The following SMG6 variants were observed in gnomAD, a reference collection of about 807,000 sequenced individuals.
SMG6 encodes SMG6 nonsense mediated mRNA decay factor.
In SMG6, 66 loss-of-function variants were observed where a neutral mutation model predicts 142.2. The observed-to-expected ratio is 0.46, with a 90% CI of 0.38 to 0.57. The LOEUF is 0.57. Among genes scored for constraint, SMG6 ranks in the 20% least tolerant of loss-of-function variants. The pLI is 0.00. For synonymous variants in SMG6, 779 were observed against 702.4 expected, an observed-to-expected ratio of 1.11 and a Z score of -1.72; for missense variants, 1,793 against 1,832.0, an observed-to-expected ratio of 0.98 and a Z score of 0.39.
At chr17:2,154,005 C>A (rs2070918274) in intron 13 of SMG6, among the ~76,000 whole-genome samples, 1 of 126,724 alleles carries the variant, frequency 7.9e-6, no homozygotes, top group South Asian at 2.8e-4. Flanking sequence ...ACTGGGGAAA[C>A]CTGGGGATGC....
At chr17:2,298,099 G>C (rs1169543772) in intron 2 of SMG6, 44 bp from the exon 3 acceptor site, 1 of 1,534,014 alleles carries the variant, frequency 6.5e-7, no homozygotes, top group Non-Finnish European at 8.7e-7. Flanking sequence ...ATACACCACA[G>C]AAAAAGCTAG....
At chr17:2,102,250 A>G (rs1213319246) in intron 13 of SMG6, among the ~76,000 whole-genome samples, 1 of 152,224 alleles carries the variant, frequency 6.6e-6, no homozygotes, top group Non-Finnish European at 1.5e-5. Flanking sequence ...AAAGTGATAT[A>G]TTTTATGAAT....
chr17:2,236,122 C>G (rs1338440356), intron 10 of SMG6: 1 of 158,968 alleles, frequency 6.3e-6, no homozygotes, highest in African/African-American at 2.4e-5. Flanking sequence ...CAATCCCTGC[C>G]AAGCGTATGG....
At chr17:2,187,320 A>T (rs1203862356) in intron 11 of SMG6, among the ~76,000 whole-genome samples, 1 of 152,214 alleles carries the variant, frequency 6.6e-6, no homozygotes, top group Non-Finnish European at 1.5e-5. Flanking sequence ...ATGATATCTA[A>T]ATGCAACGTG....
chr17:2,112,540 TA>T (rs1567607272), intron 13 of SMG6, among the ~76,000 whole-genome samples: 1 of 146,482 alleles, frequency 6.8e-6, no homozygotes, highest in African/African-American at 2.5e-5. Context: ...AATAAATAAA[TA>T]AATAAATAAA....
intron 12 of SMG6, among the ~76,000 whole-genome samples, chr17:2,174,282 G>A (rs1374120881): frequency 6.6e-6 from 1 of 152,186 alleles, no homozygotes; most frequent in East Asian, 1.9e-4. Flanking sequence ...TGGAGTTACT[G>A]CCTATGAGTC....
chr17:2,258,062 C>CATATATAT (rs373477381), intron 8 of SMG6, among the ~76,000 whole-genome samples: 48 of 120,316 alleles, frequency 4.0e-4, no homozygotes, highest in Admixed American at 3.0e-3. Context: ...CACACACACA[C>CATATATAT]ACACATATAT....
intron 1 of SMG6, among the ~76,000 whole-genome samples, chr17:2,300,971 A>G (rs74682964): frequency 5.5e-4 from 84 of 152,288 alleles, no homozygotes; most frequent in African/African-American, 1.9e-3. Flanking sequence ...CAGAAATCCA[A>G]GATCCCAAAC....
intron 12 of SMG6, among the ~76,000 whole-genome samples, chr17:2,175,439 A>C (rs542333832): frequency 6.6e-6 from 1 of 151,832 alleles, no homozygotes; most frequent in South Asian, 2.1e-4. Context: ...TCATCCTCCC[A>C]CCCCTACCAT....
chr17:2,188,379 T>C lies in SMG6; in HGVS notation c.2986+20A>G. The stretch of plus-strand genomic sequence containing the variant: ...CAGGCAACTGGAAAGCCCACCAGGC[T>C]GGGGACTCCTCCTGCTTACCTTTGG... On this transcript the variant is annotated intron_variant, in intron 11 of 18. Coordinates refer to ENST00000263073, the MANE Select transcript of SMG6 (RefSeq NM_017575.5). The C allele has an allele frequency of 1.2e-6, 2 of 1,608,646 alleles. No homozygotes were observed. Among genetic ancestry groups the C allele is most frequent in the Non-Finnish European group, 1.7e-6 (2 of 1,175,786 alleles).
intron 8 of SMG6, chr17:2,255,729 TG>T: frequency 5.2e-6 from 1 of 193,194 alleles, no homozygotes; most frequent in Admixed American, 6.1e-5. Flanking sequence ...ATGGCGGTTT[TG>T]TGGAATAGAA....
At chr17:2,152,505 TAAGAA>T (rs1433346503) in intron 13 of SMG6, among the ~76,000 whole-genome samples, 1 of 152,144 alleles carries the variant, frequency 6.6e-6, no homozygotes, top group Non-Finnish European at 1.5e-5. Flanking sequence ...CAAGACTCAG[TAAGAA>T]AATAATCCGA....
At chr17:2,121,914 C>T (rs1415088910) in intron 13 of SMG6, among the ~76,000 whole-genome samples, 1 of 152,086 alleles carries the variant, frequency 6.6e-6, no homozygotes, top group Non-Finnish European at 1.5e-5. Flanking sequence ...CTCATTGCAA[C>T]CTCTGCCCTC....
chr17:2,104,178 C>T (rs1597389354), intron 13 of SMG6, among the ~76,000 whole-genome samples: 1 of 152,070 alleles, frequency 6.6e-6, no homozygotes, highest in Non-Finnish European at 1.5e-5. Context: ...GTCTTGATCT[C>T]CTGACCTCGT....
At chr17:2,277,441 C>G (rs918134232) in intron 8 of SMG6, among the ~76,000 whole-genome samples, 2 of 152,064 alleles carry the variant, frequency 1.3e-5, no homozygotes, top group Non-Finnish European at 2.9e-5. Flanking sequence ...GCTGGGATTA[C>G]AGGCGTAAGC....
chr17:2,187,019 GTACT>G (rs1157866052), intron 11 of SMG6, among the ~76,000 whole-genome samples, 188 bp from the exon 12 acceptor site: 1 of 152,234 alleles, frequency 6.6e-6, no homozygotes, highest in Non-Finnish European at 1.5e-5. Flanking sequence ...GAGAACCAGT[GTACT>G]GGGTCTGCCC....
At position 2,172,698 on chromosome 17, in the gene SMG6, G is replaced by A; in HGVS notation, c.3317C>T (p.Ala1106Val). 3 of 1,613,932 alleles carry A rather than the reference G, an allele frequency of 1.9e-6. No individual in the cohort carries two copies. The highest frequency in any genetic ancestry group is 3.3e-5 in the Admixed American group (2 of 60,014). ...CTCCACGTAGCAGGGGTCCTGAGGGGCAGCCAGCAAGGGGACAAAGCCCGA... is the reference window on the plus strand; with the variant it reads ...CTCCACGTAGCAGGGGTCCTGAGGGACAGCCAGCAAGGGGACAAAGCCCGA... ...LLSGFVPLLA[A>V]PQDPCYVEKT... Residue 1106 changes from alanine (A) to valine (V), a missense_variant, in exon 13 of 19, where the codon GCC (alanine) becomes GTC (valine). Around this residue, in one of 3 missense-constraint regions of SMG6, gnomAD observed 1,597 missense variants for 1,584.6 expected, o/e 1.01. Transcript: ENST00000263073.
chr17:2,236,682 GTCTC>G, intron 9 of SMG6, 45 bp from the exon 10 acceptor site: 4 of 1,497,894 alleles, frequency 2.7e-6, no homozygotes, highest in South Asian at 2.7e-5. Context: ...CTCTCTTTCA[GTCTC>G]TCTCTCACTC....
chr17:2,282,453 T>C (rs531944880), intron 8 of SMG6, among the ~76,000 whole-genome samples, 194 bp downstream of exon 8: 3 of 134,944 alleles, frequency 2.2e-5, no homozygotes, highest in South Asian at 2.3e-4. Flanking sequence ...CAGTGACACA[T>C]AGTGGTGAGA....
Sources: allele counts gnomAD v4.1 joint callset (sites outside exome capture counted in the v4.1 genomes callset), GRCh38; gene constraint gnomAD v4.1.1; regional missense constraint gnomAD v4.1.1; transcripts MANE v1.5; gene names NCBI Gene and HGNC (gene_info 2026-07-23, HGNC 2026-07-21).